FGD1: variants seen among roughly 807,000 people sequenced by gnomAD.
FGD1 encodes the protein FYVE, RhoGEF and PH domain containing 1.
In FGD1, 12 loss-of-function variants were observed where a neutral mutation model predicts 65.0. The ratio of observed to expected loss-of-function variants is 0.18; its 90% CI spans 0.12 to 0.30. The LOEUF (loss-of-function observed/expected upper bound fraction) is 0.30. Ranked by LOEUF, FGD1 falls within the 10% of genes least tolerant of loss-of-function variation. The probability of loss-of-function intolerance (pLI) is 1.00; values close to 1 mark genes in which losing one functional copy is unlikely to be tolerated. For synonymous variants in FGD1, 333 were observed against 343.9 expected (o/e 0.97, Z 0.35); for missense variants, 542 against 837.6 (o/e 0.65, Z 4.36).
chrX:54,469,963 G>T (rs1922843745), intron 4 of FGD1, 53 bp downstream of exon 4: 1 of 1,098,597 alleles, frequency 9.1e-7, no homozygotes, highest in South Asian at 1.9e-5. Context: ...AGCACAAAAG[G>T]CGCTTCCAGG....
intron 1 of FGD1, among the ~76,000 whole-genome samples, chrX:54,487,263 A>T (rs1473694601): frequency 9.0e-6 from 1 of 111,634 alleles, no homozygotes; most frequent in Non-Finnish European, 1.9e-5. Flanking sequence ...TCTATGGCAA[A>T]GTTACAGCAG....
intron 1 of FGD1, among the ~76,000 whole-genome samples, chrX:54,484,436 A>T (rs1290158700): frequency 9.0e-6 from 1 of 111,608 alleles, no homozygotes; most frequent in Admixed American, 9.5e-5. Flanking sequence ...CAACAGGTAC[A>T]TGTTAAATAA....
chrX:54,475,853 G>A (rs1923005359), intron 1 of FGD1, among the ~76,000 whole-genome samples: 1 of 112,079 alleles, frequency 8.9e-6, no homozygotes, highest in Non-Finnish European at 1.9e-5. Flanking sequence ...GATCACCTGA[G>A]GTTGGGAGTT....
At chrX:54,463,775 G>A (rs1444513979) in intron 8 of FGD1, among the ~76,000 whole-genome samples, 1 of 110,911 alleles carries the variant, frequency 9.0e-6, no homozygotes, top group African/African-American at 3.3e-5. Context: ...TGTGGCCTCT[G>A]CCTGGAACAT....
intron 1 of FGD1, among the ~76,000 whole-genome samples, chrX:54,478,509 T>G (rs187394600): frequency 1.1e-4 from 12 of 111,530 alleles, no homozygotes; most frequent in Non-Finnish European, 1.7e-4. Flanking sequence ...AGCACCTGTA[T>G]TAGGAACAGC....
intron 1 of FGD1, among the ~76,000 whole-genome samples, chrX:54,477,420 G>A (rs750306329): frequency 5.7e-4 from 61 of 107,299 alleles, no homozygotes; most frequent in African/African-American, 2.1e-3. Context: ...ATAAAATACA[G>A]GACACTCAGT....
At chrX:54,465,645 C>A (rs966557985) in intron 7 of FGD1, 51 bp downstream of exon 7, 2 of 1,208,758 alleles carry the variant, frequency 1.7e-6, no homozygotes, top group African/African-American at 3.5e-5. Context: ...CCCACCACAT[C>A]CCTGCAGACC....
Position 54,470,420 on chromosome X carries a change from C to T in FGD1, c.697G>A (p.Gly233Ser), listed in dbSNP as rs377764825. 20 of 1,206,247 alleles carry T rather than the reference C, an allele frequency of 1.7e-5. No homozygotes were observed. The highest frequency in any genetic ancestry group is 2.2e-5 in the Non-Finnish European group (20 of 894,776). The change falls in exon 4 of 18, where the codon GGC becomes AGC. Residue 233 changes from glycine to serine, a missense_variant. This residue lies in a region of FGD1 where 297 missense variants were observed against 326.8 expected (regional missense o/e 0.91). Coordinates refer to ENST00000375135, the MANE Select transcript of FGD1 (RefSeq NM_004463.3). ...VIVASDRPVP[G>S]PSPGPPEPVM... ...GGCTCTGGGGGACCTGGGCTGGGGCCAGGGACTGGTCTATCCGAGGCGACA... is the reference window on the plus strand; with the variant it reads ...GGCTCTGGGGGACCTGGGCTGGGGCTAGGGACTGGTCTATCCGAGGCGACA...
rs184989071 is a variant in FGD1, at chrX:54,478,487, T to C, written c.308-7000A>G. Among the ~76,000 whole-genome samples the C allele has an allele frequency of 5.2e-3, 577 of 111,157 alleles. 13 individuals are homozygous for C. Among genetic ancestry groups the C allele is most frequent in the Non-Finnish European group, 6.2e-3 (328 of 53,029 alleles). On this transcript the variant is annotated intron_variant, in intron 1 of 17. Transcript: ENST00000375135. ...ATGATCACTGACTGAACTGCACGGA[T>C]TGAACTGCTGCAGCACCTGTATTAG...
intron 12 of FGD1, among the ~76,000 whole-genome samples, chrX:54,451,226 T>C (rs1922369596): frequency 9.0e-6 from 1 of 110,881 alleles, no homozygotes; most frequent in South Asian, 3.9e-4. Flanking sequence ...TCAGTGTGCG[T>C]TCCCCTTCCC....
Position 54,445,491 on chromosome X carries a change from A to G in FGD1, c.*618T>C, listed in dbSNP as rs1346338988. 2 of 110,269 alleles carry G rather than the reference A, an allele frequency of 1.8e-5. No homozygotes were observed. The highest frequency in any genetic ancestry group is 3.3e-5 in the African/African-American group (1 of 30,046). The allele number at this position is 110,269 out of a possible 1,213,427, so 9.1% of individuals were successfully genotyped here. On this transcript the variant is annotated 3_prime_UTR_variant, in exon 18 of 18. Coordinates refer to ENST00000375135, the MANE Select transcript of FGD1 (RefSeq NM_004463.3). ...TGAAATAAACTGTATTTTTCTTAAA[A>G]AAAAAAAAACACACAAAAAAACACA...
intron 1 of FGD1, among the ~76,000 whole-genome samples, chrX:54,479,849 G>A (rs1033840389): frequency 9.1e-6 from 1 of 109,971 alleles, no homozygotes; most frequent in African/African-American, 3.3e-5. Context: ...GTGAACTGCA[G>A]GCCAGCTGCC....
intron 12 of FGD1, among the ~76,000 whole-genome samples, chrX:54,452,266 CA>C (rs776104292): frequency 0.16 from 4,701 of 28,695 alleles, 144 homozygotes; most frequent in African/African-American, 0.31. Context: ...GACCCTATCT[CA>C]AAAAAAAAAA....
Position 54,447,291 on chromosome X carries a change from C to T in FGD1, c.2580+20G>A, listed in dbSNP as rs761017111. On this transcript the variant is annotated intron_variant, in intron 17 of 17. Coordinates refer to ENST00000375135, the MANE Select transcript of FGD1 (RefSeq NM_004463.3). ...GCTTTGCCAGGTGGCTGAAAGGACC[C>T]GAAGGAGTAGGATGCATACCTGAGG... is the stretch of plus-strand genomic sequence containing the variant. 1.1e-5 allele frequency: 13 copies of T among 1,209,586 alleles called. No individual in the cohort carries two copies. Among genetic ancestry groups the T allele is most frequent in the Middle Eastern group, 2.3e-4 (1 of 4,371 alleles).
At chrX:54,490,452 AATAC>A (rs1341228254) in intron 1 of FGD1, among the ~76,000 whole-genome samples, 2 of 112,306 alleles carry the variant, frequency 1.8e-5, no homozygotes, top group African/African-American at 6.5e-5. Flanking sequence ...ATATTGGAAA[AATAC>A]ATATATTAAA....
chrX:54,472,089 G>T (rs1316793891), intron 1 of FGD1, among the ~76,000 whole-genome samples: 1 of 110,210 alleles, frequency 9.1e-6, no homozygotes, highest in Non-Finnish European at 1.9e-5. Flanking sequence ...ATGAGTTTGG[G>T]CAACAAAGTG....
intron 8 of FGD1, among the ~76,000 whole-genome samples, chrX:54,461,476 C>T (rs995474123): frequency 5.6e-5 from 6 of 106,451 alleles, no homozygotes; most frequent in African/African-American, 1.7e-4. Flanking sequence ...TGGTGGGTGC[C>T]TGTAATCCCA....
At chrX:54,474,511 C>T (rs1894556) in intron 1 of FGD1, among the ~76,000 whole-genome samples, 2,432 of 112,591 alleles carry the variant, frequency 0.022, 67 homozygotes, top group African/African-American at 0.076. Context: ...GCCGAGCGCC[C>T]CTCCCCAACT....
In FGD1 at chrX:54,449,148, C is replaced by T; in HGVS notation, c.2269G>A (p.Gly757Arg). The change falls in exon 15 of 18, where the codon GGG becomes AGG. Residue 757 changes from glycine (G) to arginine (R), a missense_variant. Coordinates refer to ENST00000375135, the MANE Select transcript of FGD1 (RefSeq NM_004463.3). ...CCCTGCCTCCCAACACTCACATGCC[C>T]GCAGGCCTTGCAGTGGTGCCTGCGT... ...TKRRHHCKAC[G>R]HVVCGKCSEF... 2 of 1,212,158 alleles carry T rather than the reference C, an allele frequency of 1.6e-6. No individual in the cohort carries two copies. Among genetic ancestry groups the T allele is most frequent in the African/African-American group, 1.7e-5 (1 of 57,937 alleles).
Sources: gnomAD v4.1 joint callset for allele counts (sites outside exome capture counted in the v4.1 genomes callset) on GRCh38, gnomAD v4.1.1 for gene constraint, gnomAD v4.1.1 regional missense constraint, MANE v1.5 for transcripts, NCBI Gene and HGNC (gene_info 2026-07-23, HGNC 2026-07-21) for gene names.